The following RAD50 variants were observed in gnomAD, a reference collection of about 807,000 sequenced individuals.
RAD50 encodes the protein DNA repair protein RAD50.
In RAD50, 132 loss-of-function variants were observed where a neutral mutation model predicts 168.8. That is an observed-to-expected ratio of 0.78 (90% CI 0.68 to 0.90). The LOEUF (loss-of-function observed/expected upper bound fraction) is 0.90, where lower values mean the gene tolerates loss of function less well. RAD50 is among the 40% of genes least tolerant of loss of function. The pLI is 0.00. For synonymous variants in RAD50, 525 were observed against 497.4 expected, an observed-to-expected ratio of 1.06 and a Z score of -0.74; for missense variants, 1,347 against 1,534.4, an observed-to-expected ratio of 0.88 and a Z score of 2.04.
At chr5:132,604,154 G>A (rs533118997) in intron 15 of RAD50, 108 bp downstream of exon 15, 43 of 1,356,386 alleles carry the variant, frequency 3.2e-5, no homozygotes, top group South Asian at 2.0e-4. Flanking sequence ...GTTCCTTCCT[G>A]TCCACATATA....
chr5:132,588,989 T>G, intron 8 of RAD50, 109 bp downstream of exon 8: 1 of 1,222,338 alleles, frequency 8.2e-7, no homozygotes, highest in Non-Finnish European at 1.2e-6. Flanking sequence ...TCTATTAGTG[T>G]TAGGATAAAA....
At chr5:132,571,498 C>G (rs56668723) in intron 2 of RAD50, among the ~76,000 whole-genome samples, 25,747 of 152,092 alleles carry the variant, frequency 0.17, 2,430 homozygotes, top group South Asian at 0.22. Flanking sequence ...CTAGGAGATA[C>G]ACCTTTATCA....
chr5:132,574,729 T>C (rs1750364159), intron 2 of RAD50, among the ~76,000 whole-genome samples: 1 of 152,244 alleles, frequency 6.6e-6, no homozygotes, highest in Non-Finnish European at 1.5e-5. Flanking sequence ...TTGAATGCTT[T>C]ACTGCTTAGA....
chr5:132,645,894 G>A lies in RAD50; in HGVS notation c.*3530G>A, dbSNP rs1751838857. ...TTTCCACAGTTTAAAAAGAAAGTCT[G>A]AGCAACATAGTGACATCCCATCTTT... On this transcript the variant is annotated 3_prime_UTR_variant, in exon 25 of 25. Transcript: ENST00000378823. The A allele has an allele frequency of 6.6e-6, 1 of 152,062 alleles. No individual in the cohort carries two copies. Among genetic ancestry groups the A allele is most frequent in the African/African-American group, 2.4e-5 (1 of 41,394 alleles). The allele number at this position is 152,062 out of a possible 1,614,324, so 9.4% of individuals were successfully genotyped here.
At chr5:132,576,378 T>C (rs965011736) in intron 3 of RAD50, among the ~76,000 whole-genome samples, 2 of 152,206 alleles carry the variant, frequency 1.3e-5, no homozygotes, top group African/African-American at 2.4e-5. Flanking sequence ...AATTGTTCCT[T>C]TCAACCATTA....
intron 3 of RAD50, among the ~76,000 whole-genome samples, chr5:132,578,126 T>C (rs544685084): frequency 5.9e-5 from 9 of 152,344 alleles, no homozygotes; most frequent in African/African-American, 1.9e-4. Flanking sequence ...TCTCTGATTT[T>C]TTTTACCAGT....
chr5:132,572,263 CTGAG>C (rs1750320113), intron 2 of RAD50, among the ~76,000 whole-genome samples: 1 of 151,956 alleles, frequency 6.6e-6, no homozygotes, highest in African/African-American at 2.4e-5. Context: ...TTAGGTAGGA[CTGAG>C]TGAGGAAGGC....
chr5:132,577,049 C>T (rs1312200091), intron 3 of RAD50, among the ~76,000 whole-genome samples: 1 of 152,176 alleles, frequency 6.6e-6, no homozygotes, highest in Non-Finnish European at 1.5e-5. Flanking sequence ...TTATCTTACA[C>T]TTATGTAGTT....
At chr5:132,620,116 A>T (rs1751261931) in intron 21 of RAD50, among the ~76,000 whole-genome samples, 1 of 151,838 alleles carries the variant, frequency 6.6e-6, no homozygotes. Context: ...CGTGTTAGCC[A>T]GGATGGTCTC....
rs531397933 is a variant in RAD50, at chr5:132,558,525, A to T, written c.130-759A>T. Among the ~76,000 whole-genome samples, 3 of 152,020 alleles carry T rather than the reference A, an allele frequency of 2.0e-5. No individual in the cohort carries two copies. In the South Asian group the frequency reaches 6.2e-4, roughly 32 times the overall value. The stretch of plus-strand genomic sequence containing the variant: ...CAGGAGTTCGAGACCAGCCTGGCCA[A>T]CGTGGCGAAACCCCATCTCTAATAA... On this transcript the variant is annotated intron_variant, in intron 1 of 24. Transcript: ENST00000378823.
At chr5:132,624,827 G>C (rs2149856823) in intron 21 of RAD50, among the ~76,000 whole-genome samples, 1 of 145,048 alleles carries the variant, frequency 6.9e-6, no homozygotes, top group South Asian at 2.2e-4. Context: ...AGCCAAGATT[G>C]TGCCAGTGCA....
intron 21 of RAD50, among the ~76,000 whole-genome samples, chr5:132,620,718 T>A (rs997700591): frequency 1.3e-5 from 2 of 152,306 alleles, no homozygotes; most frequent in Middle Eastern, 3.4e-3. Context: ...AATCCACATA[T>A]AACTTTTGAT....
At chr5:132,572,091 C>T (rs1165115138) in intron 2 of RAD50, among the ~76,000 whole-genome samples, 1 of 152,102 alleles carries the variant, frequency 6.6e-6, no homozygotes, top group East Asian at 1.9e-4. Context: ...AAAAAACAAT[C>T]AGTATAATTT....
intron 8 of RAD50, among the ~76,000 whole-genome samples, chr5:132,589,246 C>T (rs1406205438): frequency 1.3e-5 from 2 of 152,084 alleles, no homozygotes; most frequent in Non-Finnish European, 2.9e-5. Context: ...TGACATTGGT[C>T]CCATAAAATT....
At chr5:132,628,615 G>A (rs1395736757) in intron 21 of RAD50, among the ~76,000 whole-genome samples, 1 of 152,074 alleles carries the variant, frequency 6.6e-6, no homozygotes, top group Non-Finnish European at 1.5e-5. Context: ...GGAGGCCAGG[G>A]CGGGTGGATC....
At chr5:132,637,250 G>T in intron 22 of RAD50, 50 bp downstream of exon 22, 1 of 1,581,016 alleles carries the variant, frequency 6.3e-7, no homozygotes, top group South Asian at 1.1e-5. Flanking sequence ...CCTCTCCGCA[G>T]CTCTTCCCCT....
chr5:132,557,794 A>G (rs928798324), intron 1 of RAD50, among the ~76,000 whole-genome samples: 1 of 152,244 alleles, frequency 6.6e-6, no homozygotes, highest in South Asian at 2.1e-4. Flanking sequence ...AAAGCATAGC[A>G]TTCACTTCCC....
chr5:132,627,439 A>C (rs1342450214), intron 21 of RAD50, among the ~76,000 whole-genome samples: 2 of 152,222 alleles, frequency 1.3e-5, no homozygotes, highest in African/African-American at 4.8e-5. Context: ...AGTGGTAGGT[A>C]TTACAGTGAA....
intron 2 of RAD50, among the ~76,000 whole-genome samples, chr5:132,569,067 C>T (rs866890570): frequency 2.0e-5 from 3 of 152,028 alleles, no homozygotes; most frequent in Non-Finnish European, 4.4e-5. Flanking sequence ...AGTTAACAGG[C>T]ATCCAAAGAA....
Sources: gnomAD v4.1 joint callset for allele counts (sites outside exome capture counted in the v4.1 genomes callset) on GRCh38, gnomAD v4.1.1 for gene constraint, MANE v1.5 for transcripts, NCBI Gene and HGNC (gene_info 2026-07-23, HGNC 2026-07-21) for gene names.